The following ASF1B variants were observed in gnomAD, a reference collection of about 807,000 sequenced individuals.
The protein encoded by ASF1B is histone chaperone ASF1B.
Under a neutral mutation model 16.6 loss-of-function variants are expected in ASF1B, and 10 were observed. The observed-to-expected ratio is 0.60, with a 90% CI of 0.37 to 1.02. The LOEUF (loss-of-function observed/expected upper bound fraction) is 1.02. Among genes scored for constraint, ASF1B ranks in the 50% least tolerant of loss-of-function variants. The probability of loss-of-function intolerance (pLI) is 0.01; values close to 1 mark genes in which losing one functional copy is unlikely to be tolerated. For synonymous variants in ASF1B, 101 were observed against 106.2 expected (o/e 0.95, Z 0.30); for missense variants, 240 against 266.0 (o/e 0.90, Z 0.68).
At chr19:14,136,282 G>C in intron 1 of ASF1B, 66 bp downstream of exon 1, 3 of 1,408,104 alleles carry the variant, frequency 2.1e-6, no homozygotes, top group South Asian at 1.2e-5. Flanking sequence ...GGCCATGGGA[G>C]CGGTTCTCTG....
At chr19:14,127,707 G>A (rs1002270224) in intron 1 of ASF1B, among the ~76,000 whole-genome samples, 4 of 151,852 alleles carry the variant, frequency 2.6e-5, no homozygotes, top group African/African-American at 9.7e-5. Flanking sequence ...TGAGATCTCG[G>A]CTCACTGCAA....
intron 1 of ASF1B, among the ~76,000 whole-genome samples, chr19:14,133,751 C>G (rs941003602): frequency 4.8e-4 from 73 of 150,536 alleles, no homozygotes; most frequent in African/African-American, 1.7e-3. Flanking sequence ...AGTCACAGGG[C>G]AGGGGCTTCC....
At position 14,129,818 on chromosome 19, in the gene ASF1B, G is replaced by A. The variant is rs558490428; in HGVS notation, c.110-3581C>T. ...TCCTAGCACTTTGGGAGGCTGAGGCGGGTGGATTGCTTGAGCTCAGAAGTT... is the reference window on the plus strand; with the variant it reads ...TCCTAGCACTTTGGGAGGCTGAGGCAGGTGGATTGCTTGAGCTCAGAAGTT... On this transcript the variant is annotated intron_variant, in intron 1 of 3. Coordinates refer to ENST00000263382, the MANE Select transcript of ASF1B (RefSeq NM_018154.3). Among the ~76,000 whole-genome samples the A allele has an allele frequency of 2.0e-5, 3 of 150,850 alleles. No homozygotes were observed. The South Asian group carries it at 6.3e-4, about 32-fold the overall frequency.
intron 1 of ASF1B, 152 bp from the exon 2 acceptor site, chr19:14,126,389 C>T (rs1342971508): frequency 3.3e-6 from 2 of 599,848 alleles, no homozygotes; most frequent in Non-Finnish European, 5.8e-6. Flanking sequence ...ACTGCAACTT[C>T]CGCCTCCCAG....
rs955563700 is a variant in ASF1B at position 14,136,551 on chromosome 19, A to G, written c.-95T>C. The stretch of plus-strand genomic sequence containing the variant: ...TGGGGTCAGTGGGGTAGGGCTGACC[A>G]GGTCCACTCCCGCCTCTTCTCTCCG... On this transcript the variant is annotated 5_prime_UTR_variant, in exon 1 of 4. Transcript: ENST00000263382. 5 of 964,634 alleles carry G rather than the reference A, an allele frequency of 5.2e-6. No homozygotes were observed. The highest frequency in any genetic ancestry group is 7.7e-6 in the Non-Finnish European group (5 of 649,692). The allele number at this position is 964,634 out of a possible 1,614,324, so 59.8% of individuals were successfully genotyped here. A position where few individuals can be genotyped will look rare whatever the true frequency, so the allele number is the denominator to read the frequency against.
intron 1 of ASF1B, among the ~76,000 whole-genome samples, chr19:14,133,483 G>A (rs1421157721): frequency 6.6e-6 from 1 of 151,796 alleles, no homozygotes; most frequent in Non-Finnish European, 1.5e-5. Context: ...GCCTGGCCAA[G>A]ATGGTGAAAC....
chr19:14,120,792 C>T, intron 3 of ASF1B, 127 bp from the exon 4 acceptor site: 1 of 726,000 alleles, frequency 1.4e-6, no homozygotes, highest in East Asian at 2.8e-5. Context: ...CTCCAGAAAA[C>T]ACCTGTGGCC....
rs1254356259 is a variant in ASF1B at position 14,120,177 on chromosome 19, A to AGT, written c.*280_*281dup. 2.5e-6 allele frequency: 1 copy of AGT among 400,612 alleles called. No individual in the cohort carries two copies. Among genetic ancestry groups the AGT allele is most frequent in the African/African-American group, 2.1e-5 (1 of 47,236 alleles). 24.8% of individuals were successfully genotyped at this position (400,612 alleles called of 1,614,324 possible). ...GGATCAATGGTACTCAAGGGTGCAC[A>AGT]GTGGCACAGTGGCCTTAGTTAGAAT... On this transcript the variant is annotated 3_prime_UTR_variant, in exon 4 of 4. Coordinates refer to ENST00000263382, the MANE Select transcript of ASF1B (RefSeq NM_018154.3).
At position 14,135,012 on chromosome 19, in the gene ASF1B, T is replaced by C. The variant is rs1967465374; in HGVS notation, c.109+1336A>G. ...GCCAAGGCGGGTGGATCACTTGAGG[T>C]CAGGAGTTCGAGACCAACCTGGCTA... On this transcript the variant is annotated intron_variant, in intron 1 of 3. Transcript: ENST00000263382. 3.3e-5 allele frequency among the ~76,000 whole-genome samples: 5 copies of C among 151,238 alleles called. No individual in the cohort carries two copies. The South Asian group carries it at 1.0e-3, about 32-fold the overall frequency.
intron 2 of ASF1B, among the ~76,000 whole-genome samples, chr19:14,121,916 C>G (rs1967244443): frequency 2.0e-5 from 3 of 151,522 alleles, no homozygotes; most frequent in Non-Finnish European, 4.4e-5. Flanking sequence ...CCACCACACC[C>G]GGCTAACTTT....
rs751415634 is a variant in ASF1B at position 14,121,646 on chromosome 19, G to A, written c.288C>T (p.Leu96=). The A allele has an allele frequency of 2.5e-6, 4 of 1,613,954 alleles. No homozygotes were observed. The highest frequency in any genetic ancestry group is 3.4e-6 in the Non-Finnish European group (4 of 1,179,970). Residue 96 remains leucine (L), a synonymous_variant, in exon 3 of 4, where the codon CTC becomes CTT. Transcript: ENST00000263382. Reference sequence around the variant, plus strand: ...CCTGTCCATGGTAGGTGCAGGTGATGAGGACCACAGTCACACCCACGGCAT... The same window carrying A: ...CCTGTCCATGGTAGGTGCAGGTGATAAGGACCACAGTCACACCCACGGCAT... ...ETDAVGVTVV[L]ITCTYHGQEF...
Position 14,120,671 on chromosome 19 carries a change from G to A in ASF1B, c.403-6C>T, listed in dbSNP as rs371339968. ...GCCAAGATGTTCCGCTGGAGCTGGG[G>A]CAGGAAGAGGAACGTCAACCCTTGT... On this transcript the variant is annotated splice_polypyrimidine_tract_variant and splice_region_variant and intron_variant, in intron 3 of 3. Coordinates refer to ENST00000263382, the MANE Select transcript of ASF1B (RefSeq NM_018154.3). The A allele has an allele frequency of 2.5e-6, 4 of 1,613,972 alleles. No homozygotes were observed. Among genetic ancestry groups the A allele is most frequent in the Non-Finnish European group, 2.5e-6 (3 of 1,179,944 alleles).
intron 2 of ASF1B, 59 bp from the exon 3 acceptor site, chr19:14,121,767 T>C: frequency 6.9e-7 from 1 of 1,456,508 alleles, no homozygotes; most frequent in Non-Finnish European, 9.3e-7. Flanking sequence ...ATGTCATTAG[T>C]ACAAAGATTC....
intron 1 of ASF1B, among the ~76,000 whole-genome samples, chr19:14,132,598 T>C (rs1457910532): frequency 6.6e-6 from 1 of 152,134 alleles, no homozygotes; most frequent in Non-Finnish European, 1.5e-5. Flanking sequence ...AGTGGGCATA[T>C]CACTTGCGAT....
rs756816563 is a variant in ASF1B at position 14,120,368 on chromosome 19, G to C, written c.*91C>G. ...TGACAGACCTGGATTGCAGCTGATG[G>C]CCCCCAAAGTCCTCTAGATGGGCCC... is the stretch of plus-strand genomic sequence containing the variant. On this transcript the variant is annotated 3_prime_UTR_variant, in exon 4 of 4. Coordinates refer to ENST00000263382, the MANE Select transcript of ASF1B (RefSeq NM_018154.3). The C allele has an allele frequency of 7.7e-7, 1 of 1,294,244 alleles. No individual in the cohort carries two copies. The highest frequency in any genetic ancestry group is 1.1e-6 in the Non-Finnish European group (1 of 928,034). The allele number at this position is 1,294,244 out of a possible 1,614,324, so 80.2% of individuals were successfully genotyped here. A position where few individuals can be genotyped will look rare whatever the true frequency, so the allele number is the denominator to read the frequency against.
intron 1 of ASF1B, among the ~76,000 whole-genome samples, chr19:14,132,595 A>G (rs966115754): frequency 5.9e-5 from 9 of 152,156 alleles, no homozygotes; most frequent in African/African-American, 2.2e-4. Context: ...TGAAGTGGGC[A>G]TATCACTTGC....
intron 1 of ASF1B, among the ~76,000 whole-genome samples, chr19:14,129,031 G>A (rs1254111867): frequency 2.0e-5 from 3 of 152,130 alleles, no homozygotes; most frequent in Non-Finnish European, 4.4e-5. Context: ...TAAACAAAGA[G>A]CATGTGGAAA....
At position 14,120,643 on chromosome 19, in the gene ASF1B, G is replaced by A. The variant is rs758936633; in HGVS notation, c.425C>T (p.Ser142Leu). ...FSQLQRNILA[S>L]NPRVTRFHIN... The stretch of plus-strand genomic sequence containing the variant: ...ATGGAAGCGGGTCACCCGGGGGTTC[G>A]AGGCCAAGATGTTCCGCTGGAGCTG... Residue 142 changes from serine to leucine, a missense_variant, in exon 4 of 4, where the codon TCG becomes TTG. By Grantham distance (145) the Ser-to-Leu change is moderately radical. Coordinates refer to ENST00000263382, the MANE Select transcript of ASF1B (RefSeq NM_018154.3). The A allele has an allele frequency of 1.5e-5, 24 of 1,613,898 alleles. No homozygotes were observed. In the East Asian group the frequency reaches 3.6e-4, roughly 24 times the overall value.
intron 1 of ASF1B, among the ~76,000 whole-genome samples, chr19:14,135,486 C>A (rs1260704704): frequency 3.3e-5 from 5 of 151,962 alleles, no homozygotes; most frequent in South Asian, 2.1e-4. Flanking sequence ...TGGGCCCCAA[C>A]GAAGGAGAGA....
Sources: gnomAD v4.1 joint callset for allele counts (sites outside exome capture counted in the v4.1 genomes callset) on GRCh38, gnomAD v4.1.1 for gene constraint, MANE v1.5 for transcripts, NCBI Gene and HGNC (gene_info 2026-07-23, HGNC 2026-07-21) for gene names.